COL14A1: variants seen among roughly 807,000 people sequenced by gnomAD.
COL14A1 encodes collagen alpha-1(XIV) chain.
COL14A1 carries 136 observed loss-of-function variants against 230.3 expected under a neutral mutation model. That is an observed-to-expected ratio of 0.59 (90% CI 0.51 to 0.68). The LOEUF (loss-of-function observed/expected upper bound fraction) is 0.68. COL14A1 is among the 30% of genes least tolerant of loss of function. The pLI, the probability that COL14A1 is intolerant of heterozygous loss-of-function variation, is 0.00. For missense variants in COL14A1, 1,976 were observed against 2,215.8 expected (o/e 0.89, Z 2.17); for synonymous variants, 792 against 784.1 (o/e 1.01, Z -0.17).
chr8:120,239,938 T>A (rs1307001315), intron 19 of COL14A1, among the ~76,000 whole-genome samples: 1 of 151,970 alleles, frequency 6.6e-6, no homozygotes, highest in African/African-American at 2.4e-5. Flanking sequence ...AAATTTAATA[T>A]CATGCATGCA....
Position 120,248,923 on chromosome 8 carries a change from T to TTTTTC in COL14A1, c.2602+1192_2602+1193insCTTTT, listed in dbSNP as rs1401554054. The stretch of plus-strand genomic sequence containing the variant: ...TCCATTAGTTTCAATCTTTCTTTTT[T>TTTTTC]TTTTTTTTTTTTTTTTTTTTGAGAC... On this transcript the variant is annotated intron_variant, in intron 21 of 47. Coordinates refer to ENST00000297848, the MANE Select transcript of COL14A1 (RefSeq NM_021110.4). Among the ~76,000 whole-genome samples the TTTTTC allele has an allele frequency of 2.5e-5, 2 of 79,956 alleles. 1 individual carries two copies. Among genetic ancestry groups the TTTTTC allele is most frequent in the East Asian group, 4.7e-4 (2 of 4,256 alleles). 52.5% of individuals were successfully genotyped at this position (79,956 alleles called of 152,430 possible).
chr8:120,217,753 A>G (rs1225007258), intron 14 of COL14A1, among the ~76,000 whole-genome samples: 1 of 151,908 alleles, frequency 6.6e-6, no homozygotes, highest in Non-Finnish European at 1.5e-5. Flanking sequence ...GATTGAAATA[A>G]AAAAACACTG....
chr8:120,305,334 C>T (rs1224064659), intron 36 of COL14A1, among the ~76,000 whole-genome samples: 1 of 152,096 alleles, frequency 6.6e-6, no homozygotes, highest in Admixed American at 6.6e-5. Flanking sequence ...TTCAGATGAA[C>T]AAAAACTAAT....
chr8:120,363,025 A>C (rs749597152), intron 45 of COL14A1, among the ~76,000 whole-genome samples: 8 of 152,218 alleles, frequency 5.3e-5, no homozygotes, highest in African/African-American at 1.9e-4. Context: ...TCACCACCAC[A>C]CAAGGAACTT....
At chr8:120,274,989 A>C (rs113709417) in intron 26 of COL14A1, among the ~76,000 whole-genome samples, 2 of 151,568 alleles carry the variant, frequency 1.3e-5, no homozygotes, top group African/African-American at 2.4e-5. Flanking sequence ...ATTAGAAAAA[A>C]AATCCTGAAA....
At chr8:120,305,616 C>T (rs1307069069) in intron 36 of COL14A1, among the ~76,000 whole-genome samples, 2 of 152,040 alleles carry the variant, frequency 1.3e-5, no homozygotes, top group African/African-American at 4.8e-5. Flanking sequence ...TAGTCTAGTC[C>T]ATTCTGTTGG....
intron 44 of COL14A1, among the ~76,000 whole-genome samples, chr8:120,343,900 T>G (rs1822405285): frequency 6.6e-6 from 1 of 152,220 alleles, no homozygotes; most frequent in Non-Finnish European, 1.5e-5. Flanking sequence ...TAAATCTTAC[T>G]ATGACTCACT....
At chr8:120,370,362 C>T (rs1332422955) in intron 47 of COL14A1, 2 of 1,612,112 alleles carry the variant, frequency 1.2e-6, no homozygotes, top group Admixed American at 1.7e-5. Context: ...TGATTACCAG[C>T]ACTGAAGTGG....
chr8:120,287,554 G>GT (rs1251341534), intron 33 of COL14A1, among the ~76,000 whole-genome samples: 1 of 152,196 alleles, frequency 6.6e-6, no homozygotes, highest in East Asian at 1.9e-4. Flanking sequence ...AGAATCCTTT[G>GT]TAAGTCTTAG....
chr8:120,359,171 C>G (rs1286574478), intron 45 of COL14A1, among the ~76,000 whole-genome samples: 2 of 152,044 alleles, frequency 1.3e-5, no homozygotes, highest in Non-Finnish European at 2.9e-5. Flanking sequence ...GACCCGTCAT[C>G]TAGGTTTTAA....
chr8:120,313,070 G>C (rs1267937594), intron 37 of COL14A1, among the ~76,000 whole-genome samples: 1 of 152,124 alleles, frequency 6.6e-6, no homozygotes, highest in Non-Finnish European at 1.5e-5. Context: ...AAGAAAGGAA[G>C]TAAAATAGGC....
intron 45 of COL14A1, among the ~76,000 whole-genome samples, chr8:120,350,994 T>C (rs1822745464): frequency 6.7e-6 from 1 of 149,592 alleles, no homozygotes; most frequent in African/African-American, 2.5e-5. Flanking sequence ...GAAGTAAAAC[T>C]CTCCTCAGCA....
At chr8:120,156,469 G>A (rs1171605518) in intron 2 of COL14A1, among the ~76,000 whole-genome samples, 5 of 152,020 alleles carry the variant, frequency 3.3e-5, no homozygotes, top group South Asian at 4.2e-4. Context: ...CTGCCTGGCC[G>A]AGGGTGACTT....
chr8:120,156,935 T>G (rs572997555), intron 2 of COL14A1, among the ~76,000 whole-genome samples: 7 of 152,206 alleles, frequency 4.6e-5, no homozygotes, highest in African/African-American at 7.2e-5. Flanking sequence ...GTACACTCTG[T>G]TTTTTAAAAT....
At position 120,179,852 on chromosome 8, in the gene COL14A1, A is replaced by G. The variant is rs193019592; in HGVS notation, c.436+11605A>G. ...GCTTGGTACTGGTACCAAAACAGATATATAGAACAATGGAACAGAAGCGAG... is the reference window on the plus strand; with the variant it reads ...GCTTGGTACTGGTACCAAAACAGATGTATAGAACAATGGAACAGAAGCGAG... On this transcript the variant is annotated intron_variant, in intron 5 of 47. Coordinates refer to ENST00000297848, the MANE Select transcript of COL14A1 (RefSeq NM_021110.4). Among the ~76,000 whole-genome samples, 467 of 152,300 alleles carry G rather than the reference A, an allele frequency of 3.1e-3. 1 individual carries two copies. Among genetic ancestry groups the G allele is most frequent in the Non-Finnish European group, 4.4e-3 (299 of 68,030 alleles).
At chr8:120,241,730 G>T (rs1818614695) in intron 19 of COL14A1, among the ~76,000 whole-genome samples, 1 of 152,096 alleles carries the variant, frequency 6.6e-6, no homozygotes, top group African/African-American at 2.4e-5. Flanking sequence ...GGGTAAGAAG[G>T]TTCAAGTGGT....
At chr8:120,197,183 T>C (rs2130711094) in intron 6 of COL14A1, among the ~76,000 whole-genome samples, 1 of 152,300 alleles carries the variant, frequency 6.6e-6, no homozygotes, top group East Asian at 1.9e-4. Context: ...GTCAAGTTCT[T>C]CTCTGTTACT....
chr8:120,332,713 C>T lies in COL14A1; in HGVS notation c.4763C>T (p.Pro1588Leu), dbSNP rs775797117. ...CCAGGGATCACAGGAAGCATGGGAC[C>T]GCAAGGCGCCCTGGGACCACCTGTG... ...GVPGITGSMG[P>L]QGALGPPGVP... is the part of the protein sequence containing the mutation. Residue 1588 changes from proline to leucine, a missense_variant, in exon 42 of 48, where the codon CCG becomes CTG. Pro to Leu is a moderately conservative substitution (Grantham distance 98). Coordinates refer to ENST00000297848, the MANE Select transcript of COL14A1 (RefSeq NM_021110.4). 23 of 1,613,138 alleles carry T rather than the reference C, an allele frequency of 1.4e-5. No homozygotes were observed. Among genetic ancestry groups the T allele is most frequent in the South Asian group, 8.8e-5 (8 of 90,992 alleles).
chr8:120,206,820 T>C (rs1433441262), intron 9 of COL14A1, 123 bp from the exon 10 acceptor site: 12 of 945,978 alleles, frequency 1.3e-5, no homozygotes, highest in Middle Eastern at 3.2e-4. Flanking sequence ...AATCAACTTA[T>C]CTAAAGAGGA....
Sources: gnomAD v4.1 joint callset for allele counts (sites outside exome capture counted in the v4.1 genomes callset) on GRCh38, gnomAD v4.1.1 for gene constraint, MANE v1.5 for transcripts, NCBI Gene and HGNC (gene_info 2026-07-23, HGNC 2026-07-21) for gene names.